NRXN1: variants seen among roughly 807,000 people sequenced by gnomAD.
NRXN1 encodes the protein neurexin-1.
In NRXN1, 39 loss-of-function variants were observed where a neutral mutation model predicts 150.9. That is an observed-to-expected ratio of 0.26 (90% confidence interval 0.20 to 0.34). The LOEUF (loss-of-function observed/expected upper bound fraction) is 0.34, where lower values mean the gene tolerates loss of function less well. Among genes scored for constraint, NRXN1 ranks in the 10% least tolerant of loss-of-function variants. The pLI, the probability that NRXN1 is intolerant of heterozygous loss-of-function variation, is 1.00. For missense variants in NRXN1, 1,815 were observed against 1,949.9 expected (o/e 0.93, Z 1.30); for synonymous variants, 924 against 757.0 (o/e 1.22, Z -3.62).
At chr2:50,817,017 A>C (rs1669031548) in intron 5 of NRXN1, among the ~76,000 whole-genome samples, 1 of 152,126 alleles carries the variant, frequency 6.6e-6, no homozygotes, top group South Asian at 2.1e-4. Context: ...CGGAGATCAC[A>C]AACTGTCTAA....
chr2:50,738,953 G>GTGTC (rs1461312066), intron 5 of NRXN1, among the ~76,000 whole-genome samples: 2 of 152,132 alleles, frequency 1.3e-5, no homozygotes, highest in African/African-American at 4.8e-5. Context: ...ACATCACTAA[G>GTGTC]TGTCTCTAAG....
At chr2:50,540,254 A>G (rs1423793567) in intron 9 of NRXN1, among the ~76,000 whole-genome samples, 1 of 152,248 alleles carries the variant, frequency 6.6e-6, no homozygotes, top group Non-Finnish European at 1.5e-5. Flanking sequence ...AGCAGCTAAA[A>G]GAGAAAAGGA....
intron 13 of NRXN1, among the ~76,000 whole-genome samples, chr2:50,502,691 T>C (rs2092011274): frequency 6.6e-6 from 1 of 152,086 alleles, no homozygotes; most frequent in South Asian, 2.1e-4. Flanking sequence ...AACGAAACAA[T>C]GTTGTAGGTA....
intron 17 of NRXN1, among the ~76,000 whole-genome samples, chr2:50,243,806 T>C (rs895550240): frequency 4.0e-5 from 6 of 151,752 alleles, no homozygotes; most frequent in Non-Finnish European, 8.8e-5. Flanking sequence ...TCCTCTTCAA[T>C]AAGCCAGCCC....
intron 18 of NRXN1, chr2:50,185,649 G>T (rs1205395904): frequency 6.6e-6 from 1 of 152,162 alleles, no homozygotes; most frequent in African/African-American, 2.4e-5. Flanking sequence ...AGACTCAAAG[G>T]CCTAAATGAT....
At chr2:50,486,705 A>G (rs957578840) in intron 15 of NRXN1, among the ~76,000 whole-genome samples, 2 of 152,068 alleles carry the variant, frequency 1.3e-5, no homozygotes, top group Non-Finnish European at 2.9e-5. Context: ...CTTCCCACAG[A>G]CAGGTTAGGA....
intron 8 of NRXN1, among the ~76,000 whole-genome samples, chr2:50,597,315 G>C (rs921432446): frequency 2.0e-5 from 3 of 152,122 alleles, no homozygotes; most frequent in African/African-American, 4.8e-5. Flanking sequence ...CAGGGATACA[G>C]TCTCTCTTAT....
At chr2:50,446,592 T>TCCTC (rs937999784) in intron 17 of NRXN1, among the ~76,000 whole-genome samples, 14 of 136,428 alleles carry the variant, frequency 1.0e-4, no homozygotes, top group Non-Finnish European at 2.2e-4. Context: ...CTTCCTTCCT[T>TCCTC]CCTCCCTCCC....
At chr2:50,009,045 CAACT>C (rs773153703) in intron 21 of NRXN1, among the ~76,000 whole-genome samples, 57 of 152,232 alleles carry the variant, frequency 3.7e-4, no homozygotes, top group Non-Finnish European at 7.2e-4. Flanking sequence ...TTATAACTAC[CAACT>C]ATTTGTTTTT....
At chr2:50,340,435 A>T (rs1476595022) in intron 17 of NRXN1, among the ~76,000 whole-genome samples, 1 of 152,214 alleles carries the variant, frequency 6.6e-6, no homozygotes, top group Non-Finnish European at 1.5e-5. Flanking sequence ...TTGAGACCTC[A>T]GTTGCGAGAC....
intron 5 of NRXN1, among the ~76,000 whole-genome samples, chr2:50,763,432 C>T (rs1460488803): frequency 2.0e-5 from 3 of 152,010 alleles, no homozygotes; most frequent in Admixed American, 6.6e-5. Context: ...AATGCATATA[C>T]AAAATACAGC....
intron 5 of NRXN1, chr2:50,917,275 C>G (rs573259938): frequency 6.6e-6 from 1 of 151,588 alleles, no homozygotes; most frequent in Non-Finnish European, 1.5e-5. Context: ...TGAGGAAATA[C>G]AATTTAAGAA....
At chr2:50,170,276 T>C (rs185281091) in intron 18 of NRXN1, among the ~76,000 whole-genome samples, 61 of 152,062 alleles carry the variant, frequency 4.0e-4, no homozygotes, top group African/African-American at 1.4e-3. Context: ...AAATACTCAT[T>C]AGAACATTTT....
Position 50,555,806 on chromosome 2 carries a change from A to T in NRXN1, c.1321-2781T>A, listed in dbSNP as rs62142292. On this transcript the variant is annotated intron_variant, in intron 8 of 22. Transcript: ENST00000401669. ...GCCCTATTTCTCTAGAAAAAAGCAT[A>T]AACTTATGTGCATATCCAGTTCATA... Among the ~76,000 whole-genome samples the T allele has an allele frequency of 1.7e-3, 264 of 152,336 alleles. 1 individual carries two copies. The highest frequency in any genetic ancestry group is 2.7e-3 in the Non-Finnish European group (187 of 68,010).
chr2:50,998,601 G>T (rs1289438462), intron 2 of NRXN1, among the ~76,000 whole-genome samples: 1 of 152,006 alleles, frequency 6.6e-6, no homozygotes, highest in African/African-American at 2.4e-5. Flanking sequence ...ATTTCATGAA[G>T]GTATGCATGT....
intron 17 of NRXN1, among the ~76,000 whole-genome samples, chr2:50,242,524 T>C (rs1386339475): frequency 1.3e-5 from 2 of 151,808 alleles, no homozygotes; most frequent in Non-Finnish European, 2.9e-5. Context: ...TAAAATTTCA[T>C]ATAGGCATAT....
chr2:50,663,645 G>GC (rs1687619152), intron 5 of NRXN1, among the ~76,000 whole-genome samples: 1 of 152,006 alleles, frequency 6.6e-6, no homozygotes, highest in Non-Finnish European at 1.5e-5. Flanking sequence ...TAGGATACAT[G>GC]ACAATTAATG....
chr2:50,367,287 A>G (rs2153015753), intron 17 of NRXN1, among the ~76,000 whole-genome samples: 1 of 152,122 alleles, frequency 6.6e-6, no homozygotes, highest in Middle Eastern at 3.4e-3. Context: ...AAAGGAAAAG[A>G]TATCCATTTC....
At chr2:50,698,672 T>C (rs1394996474) in intron 5 of NRXN1, among the ~76,000 whole-genome samples, 1 of 152,168 alleles carries the variant, frequency 6.6e-6, no homozygotes, top group Non-Finnish European at 1.5e-5. Flanking sequence ...AAAAGGGATC[T>C]TGAATCCAAA....
Sources: gnomAD v4.1 joint callset for allele counts (sites outside exome capture counted in the v4.1 genomes callset) on GRCh38, gnomAD v4.1.1 for gene constraint, MANE v1.5 for transcripts, NCBI Gene and HGNC (gene_info 2026-07-23, HGNC 2026-07-21) for gene names.